Variants in CRIPT observed in about 807,000 individuals in gnomAD.
The protein encoded by CRIPT is CXXC repeat containing interactor of PDZ3 domain.
CRIPT carries 20 observed loss-of-function variants against 16.6 expected under a neutral mutation model. That is an observed-to-expected ratio of 1.20 (90% CI 0.85 to 1.75). CRIPT has a LOEUF of 1.75. Ranked by LOEUF, CRIPT falls within the 40% of genes most tolerant of loss-of-function variation. The probability of loss-of-function intolerance (pLI) is 0.00; values close to 1 mark genes in which losing one functional copy is unlikely to be tolerated. For synonymous variants in CRIPT, 42 were observed against 37.0 expected (o/e 1.14, Z -0.49); for missense variants, 133 against 115.3 (o/e 1.15, Z -0.70).
chr2:46,618,916 C>G, intron 2 of CRIPT, 78 bp downstream of exon 2: 1 of 892,576 alleles, frequency 1.1e-6, no homozygotes, highest in Non-Finnish European at 1.8e-6. Flanking sequence ...ATTATTTGTA[C>G]AATGAAATGT....
chr2:46,625,032 A>G lies in CRIPT; in HGVS notation c.*805A>G, dbSNP rs1670899510. The G allele has an allele frequency of 6.8e-6, 1 of 148,066 alleles. No homozygotes were observed. The highest frequency in any genetic ancestry group is 1.5e-5 in the Non-Finnish European group (1 of 67,246). 9.2% of individuals were successfully genotyped at this position (148,066 alleles called of 1,614,324 possible). A position where few individuals can be genotyped will look rare whatever the true frequency, so the allele number is the denominator to read the frequency against. ...GTCTTGCCCCCTAAAAGAAATAAATAGAGCAAACATCTTGACTCTCCCTTT... is the reference window on the plus strand; with the variant it reads ...GTCTTGCCCCCTAAAAGAAATAAATGGAGCAAACATCTTGACTCTCCCTTT... On this transcript the variant is annotated 3_prime_UTR_variant, in exon 5 of 5. Transcript: ENST00000238892.
At chr2:46,619,502 T>G in intron 2 of CRIPT, 125 bp from the exon 3 acceptor site, 1 of 588,712 alleles carries the variant, frequency 1.7e-6, no homozygotes, top group Non-Finnish European at 2.9e-6. Flanking sequence ...AATAACCTAT[T>G]AAATGAGGAT....
Position 46,629,584 on chromosome 2 carries a change from G to A in CRIPT, c.*5357G>A, listed in dbSNP as rs1671022157. ...AAATACAGGACAGCTAAAGGATAGA[G>A]TATCCTTCTATTTGGGTTTTTCTGA... is the stretch of plus-strand genomic sequence containing the variant. On this transcript the variant is annotated 3_prime_UTR_variant, in exon 5 of 5. Transcript: ENST00000238892. Among the ~76,000 whole-genome samples, 1 of 152,140 alleles carries A rather than the reference G, an allele frequency of 6.6e-6. No individual in the cohort carries two copies. The highest frequency in any genetic ancestry group is 1.5e-5 in the Non-Finnish European group (1 of 68,018).
chr2:46,623,776 T>A lies in CRIPT; in HGVS notation c.150T>A (p.Tyr50Ter), dbSNP rs2104174410. 6.2e-7 allele frequency: 1 copy of A among 1,603,566 alleles called. No homozygotes were observed. The highest frequency in any genetic ancestry group is 8.5e-7 in the Non-Finnish European group (1 of 1,173,028). ...AAAAAATTTCTAGATTTGATCCATA[T>A]GGAAAGAATAAGTTCTCCACTTGTA... ...LTSKKARFDP[Y>*]GKNKFSTCRI... The change falls in exon 4 of 5, where the codon TAT becomes TAA. Residue 50 changes from tyrosine (Y) to a stop codon, truncating the protein, a stop_gained. Coordinates refer to ENST00000238892, the MANE Select transcript of CRIPT (RefSeq NM_014171.6). LOFTEE classifies it high-confidence loss of function.
rs752883994 is a variant in CRIPT at position 46,629,838 on chromosome 2, A to G, written c.*5611A>G. On this transcript the variant is annotated 3_prime_UTR_variant, in exon 5 of 5. Coordinates refer to ENST00000238892, the MANE Select transcript of CRIPT (RefSeq NM_014171.6). ...GAGAAACTTTGAGACCTTGTTGACA[A>G]TTCTGTTCCTCATCAAATCTACCCC... Among the ~76,000 whole-genome samples the G allele has an allele frequency of 1.3e-5, 2 of 152,162 alleles. No individual in the cohort carries two copies. Among genetic ancestry groups the G allele is most frequent in the Non-Finnish European group, 2.9e-5 (2 of 68,022 alleles).
Position 46,619,691 on chromosome 2 carries a change from A to C in CRIPT, c.137+10A>C. 6.2e-7 allele frequency: 1 copy of C among 1,606,336 alleles called. No homozygotes were observed. The highest frequency in any genetic ancestry group is 2.2e-5 in the East Asian group (1 of 44,638). On this transcript the variant is annotated intron_variant, in intron 3 of 4. Coordinates refer to ENST00000238892, the MANE Select transcript of CRIPT (RefSeq NM_014171.6). The stretch of plus-strand genomic sequence containing the variant: ...CTTCAAAAAAAGCAAGGTGGGTAAG[A>C]GGATCCATCGATGGGTCACATAAAT...
At chr2:46,617,429 C>T (rs1026473372) in intron 1 of CRIPT, 131 bp downstream of exon 1, 5 of 1,066,072 alleles carry the variant, frequency 4.7e-6, no homozygotes, top group Non-Finnish European at 6.8e-6. Context: ...TCTTTCTACC[C>T]TACCCTTTGA....
At position 46,629,158 on chromosome 2, in the gene CRIPT, C is replaced by G. The variant is rs373990183; in HGVS notation, c.*4931C>G. 5.3e-5 allele frequency among the ~76,000 whole-genome samples: 8 copies of G among 152,294 alleles called. No homozygotes were observed. In the East Asian group the frequency reaches 9.7e-4, roughly 18 times the overall value. On this transcript the variant is annotated 3_prime_UTR_variant, in exon 5 of 5. Transcript: ENST00000238892. ...ACAGGAAGCTAATAGTACTGTTTTT[C>G]TCTGGAGTGGGTGTAAGGGTAGAGA...
rs1168736865 is a variant in CRIPT, at chr2:46,627,522, C to G, written c.*3295C>G. ...ACAGTGGTACAATCTTGGCTCACCACAACCTCCACCTCCCAGGCTCAAGCG... is the reference window on the plus strand; with the variant it reads ...ACAGTGGTACAATCTTGGCTCACCAGAACCTCCACCTCCCAGGCTCAAGCG... On this transcript the variant is annotated 3_prime_UTR_variant, in exon 5 of 5. Transcript: ENST00000238892. Among the ~76,000 whole-genome samples the G allele has an allele frequency of 6.6e-6, 1 of 151,802 alleles. No individual in the cohort carries two copies. Among genetic ancestry groups the G allele is most frequent in the African/African-American group, 2.4e-5 (1 of 41,276 alleles).
At chr2:46,617,665 A>G (rs1377323857) in intron 1 of CRIPT, among the ~76,000 whole-genome samples, 1 of 152,190 alleles carries the variant, frequency 6.6e-6, no homozygotes, top group East Asian at 1.9e-4. Context: ...TCTCCTGCCA[A>G]ATGCTAGACA....
rs534336254 is a variant in CRIPT at position 46,622,582 on chromosome 2, C to T, written c.138-1182C>T. Among the ~76,000 whole-genome samples the T allele has an allele frequency of 6.6e-5, 10 of 151,992 alleles. No homozygotes were observed. In the East Asian group the frequency reaches 9.8e-4, roughly 15 times the overall value. On this transcript the variant is annotated intron_variant, in intron 3 of 4. Coordinates refer to ENST00000238892, the MANE Select transcript of CRIPT (RefSeq NM_014171.6). ...TGATCCCAGCACTTTGGGAGGCCAA[C>T]GCAGGCGGATCTCCTGAGGTTGGGA...
Position 46,626,438 on chromosome 2 carries a change from T to C in CRIPT, c.*2211T>C, listed in dbSNP as rs534698709. Among the ~76,000 whole-genome samples the C allele has an allele frequency of 6.6e-6, 1 of 152,348 alleles. No individual in the cohort carries two copies. The highest frequency in any genetic ancestry group is 2.1e-4 in the South Asian group (1 of 4,830). ...TTTTGGTAGAACAATTTATTTTCATTTGGATTTATATCCAGTCATGGGATT... is the reference window on the plus strand; with the variant it reads ...TTTTGGTAGAACAATTTATTTTCATCTGGATTTATATCCAGTCATGGGATT... On this transcript the variant is annotated 3_prime_UTR_variant, in exon 5 of 5. Transcript: ENST00000238892.
intron 1 of CRIPT, 128 bp downstream of exon 1, chr2:46,617,426 A>T: frequency 9.2e-7 from 1 of 1,087,082 alleles, no homozygotes; most frequent in African/African-American, 1.6e-5. Flanking sequence ...CTGTCTTTCT[A>T]CCCTACCCTT....
chr2:46,619,831 C>G (rs576843109), intron 3 of CRIPT, 150 bp downstream of exon 3: 53 of 564,624 alleles, frequency 9.4e-5, no homozygotes, highest in Non-Finnish European at 1.2e-4. Flanking sequence ...TGTTATAATC[C>G]TGCTGGTTTT....
chr2:46,630,087 A>G lies in CRIPT; in HGVS notation c.*5860A>G, dbSNP rs1274583673. Among the ~76,000 whole-genome samples the G allele has an allele frequency of 6.6e-6, 1 of 152,152 alleles. No homozygotes were observed. Among genetic ancestry groups the G allele is most frequent in the African/African-American group, 2.4e-5 (1 of 41,428 alleles). Reference sequence around the variant, plus strand: ...TGGTGCCTCTTTACCCCAATTACTTAAGTTTGTATTTCCAAAGAACAAGGG... The same window carrying G: ...TGGTGCCTCTTTACCCCAATTACTTGAGTTTGTATTTCCAAAGAACAAGGG... On this transcript the variant is annotated 3_prime_UTR_variant, in exon 5 of 5. Transcript: ENST00000238892.
intron 3 of CRIPT, among the ~76,000 whole-genome samples, chr2:46,622,348 C>G (rs955780684): frequency 6.9e-6 from 1 of 144,446 alleles, no homozygotes; most frequent in African/African-American, 2.6e-5. Flanking sequence ...CCAGCCTGGG[C>G]GACAGAGCGA....
Position 46,624,179 on chromosome 2 carries a change from TG to T in CRIPT, c.260del (p.Gly87GlufsTer44). On this transcript the variant is annotated frameshift_variant, in exon 5 of 5. Coordinates refer to ENST00000238892, the MANE Select transcript of CRIPT (RefSeq NM_014171.6). LOFTEE classifies it high-confidence loss of function. The stretch of plus-strand genomic sequence containing the variant: ...TTGTTTCAGGCATCTGTGCGATGTG[TG>T]GAAAAAAGGTTTTGGATACCAAAAA... ...AYKKGICAMCGKKVLDTKNYK... is the reference protein window; with the variant it reads ...AYKKGICAMCXKKVLDTKNYK... 6.3e-7 allele frequency: 1 copy of T among 1,583,072 alleles called. No individual in the cohort carries two copies. Among genetic ancestry groups the T allele is most frequent in the Admixed American group, 1.7e-5 (1 of 57,846 alleles).
rs1050850156 is a variant in CRIPT, at chr2:46,627,150, C to T, written c.*2923C>T. The stretch of plus-strand genomic sequence containing the variant: ...ACCTGGCCACGAGTTACTTGGTTTT[C>T]GTTTTCTGAATTGTTTTAGTTCCTT... On this transcript the variant is annotated 3_prime_UTR_variant, in exon 5 of 5. Transcript: ENST00000238892. 1.3e-5 allele frequency among the ~76,000 whole-genome samples: 2 copies of T among 151,912 alleles called. No homozygotes were observed. The highest frequency in any genetic ancestry group is 2.1e-4 in the South Asian group (1 of 4,804).
At chr2:46,623,262 A>G (rs566633483) in intron 3 of CRIPT, among the ~76,000 whole-genome samples, 4 of 152,350 alleles carry the variant, frequency 2.6e-5, no homozygotes, top group South Asian at 4.1e-4. Flanking sequence ...AAAAATCACA[A>G]TCAGAATATG....
Sources: allele counts gnomAD v4.1 joint callset (sites outside exome capture counted in the v4.1 genomes callset), GRCh38; gene constraint gnomAD v4.1.1; transcripts MANE v1.5; gene names NCBI Gene and HGNC (gene_info 2026-07-23, HGNC 2026-07-21).